The following CA2 variants were observed in gnomAD, a reference collection of about 807,000 sequenced individuals.
CA2 encodes the protein carbonic anhydrase 2.
Under a neutral mutation model 27.8 loss-of-function variants are expected in CA2, and 23 were observed. The observed-to-expected ratio is 0.83, with a 90% confidence interval of 0.59 to 1.17. CA2 has a LOEUF of 1.17. Ranked by LOEUF, CA2 falls within the 50% of genes most tolerant of loss-of-function variation. The pLI, the probability that CA2 is intolerant of heterozygous loss-of-function variation, is 0.00. For missense variants in CA2, 300 were observed against 314.7 expected (o/e 0.95, Z 0.35); for synonymous variants, 99 against 114.9 (o/e 0.86, Z 0.88).
At chr8:85,467,453 T>C (rs897649406) in intron 2 of CA2, among the ~76,000 whole-genome samples, 1 of 152,222 alleles carries the variant, frequency 6.6e-6, no homozygotes, top group African/African-American at 2.4e-5. Context: ...GCCTGGCGCA[T>C]AGAAGTTGCT....
intron 2 of CA2, among the ~76,000 whole-genome samples, 161 bp downstream of exon 2, chr8:85,465,630 G>A (rs1017618399): frequency 1.3e-5 from 2 of 152,194 alleles, no homozygotes; most frequent in Non-Finnish European, 2.9e-5. Flanking sequence ...CAGATTCTGA[G>A]AAGTAGGCTA....
intron 6 of CA2, 127 bp from the exon 7 acceptor site, chr8:85,480,543 A>C (rs1811873424): frequency 1.1e-6 from 1 of 902,032 alleles, no homozygotes; most frequent in Non-Finnish European, 1.7e-6. Context: ...TCAGCCTTAC[A>C]AAGTGCTGGG....
intron 2 of CA2, among the ~76,000 whole-genome samples, chr8:85,467,988 C>T (rs544242870): frequency 1.3e-5 from 2 of 152,186 alleles, no homozygotes; most frequent in Non-Finnish European, 2.9e-5. Flanking sequence ...AGGGTGGAGG[C>T]CTGGTCCCTC....
At chr8:85,480,427 T>TGTGTG (rs1563436587) in intron 6 of CA2, among the ~76,000 whole-genome samples, 84 of 142,016 alleles carry the variant, frequency 5.9e-4, no homozygotes, top group African/African-American at 2.1e-3. Flanking sequence ...TGTTTAATTT[T>TGTGTG]TGTGTGTGTG....
At chr8:85,470,960 C>A (rs1480910187) in intron 2 of CA2, among the ~76,000 whole-genome samples, 1 of 152,002 alleles carries the variant, frequency 6.6e-6, no homozygotes, top group Non-Finnish European at 1.5e-5. Flanking sequence ...AGGCAGTTAG[C>A]AATTTCTGCT....
chr8:85,475,317 G>T (rs970934400), intron 4 of CA2, among the ~76,000 whole-genome samples: 13 of 123,768 alleles, frequency 1.1e-4, no homozygotes, highest in African/African-American at 4.0e-4. Context: ...GTTGCAGTGA[G>T]CTATGATCAT....
chr8:85,469,310 G>C (rs561288046), intron 2 of CA2, among the ~76,000 whole-genome samples: 1 of 152,230 alleles, frequency 6.6e-6, no homozygotes, highest in African/African-American at 2.4e-5. Flanking sequence ...CTCATAGATT[G>C]AGGTTTTCCA....
intron 4 of CA2, 70 bp downstream of exon 4, chr8:85,474,486 C>T (rs993641032): frequency 6.3e-6 from 7 of 1,105,930 alleles, no homozygotes; most frequent in African/African-American, 3.1e-5. Context: ...GTATTTGTAA[C>T]ATACAGGACA....
intron 1 of CA2, 145 bp from the exon 2 acceptor site, chr8:85,465,127 G>A: frequency 1.6e-6 from 1 of 633,930 alleles, no homozygotes; most frequent in Non-Finnish European, 2.8e-6. Context: ...CACAGATTAC[G>A]TGTTTTCCCA....
At position 85,480,719 on chromosome 8, in the gene CA2, A is replaced by T. The variant is rs1395354092; in HGVS notation, c.713A>T (p.Glu238Val). 17 of 1,613,992 alleles carry T rather than the reference A, an allele frequency of 1.1e-5. No individual in the cohort carries two copies. In the South Asian group the frequency reaches 1.9e-4, roughly 18 times the overall value. The change falls in exon 7 of 7, where the codon GAA becomes GTA. Residue 238 changes from glutamate to valine, a missense_variant. Glu to Val is a moderately radical substitution (Grantham distance 121). Around this residue, in one of 3 missense-constraint regions of CA2, gnomAD observed 173 missense variants for 161.0 expected, o/e 1.07. Coordinates refer to ENST00000285379, the MANE Select transcript of CA2 (RefSeq NM_000067.3). ...LNFNGEGEPE[E>V]LMVDNWRPAQ... The stretch of plus-strand genomic sequence containing the variant: ...TTCAATGGGGAGGGTGAACCCGAAG[A>T]ACTGATGGTGGACAACTGGCGCCCA...
chr8:85,475,847 C>T lies in CA2; in HGVS notation c.494C>T (p.Ser165Phe), dbSNP rs761611749. Residue 165 changes from serine (S) to phenylalanine (F), a missense_variant, in exon 5 of 7, where the codon TCC becomes TTC. Ser to Phe is a radical substitution (Grantham distance 155). Coordinates refer to ENST00000285379, the MANE Select transcript of CA2 (RefSeq NM_000067.3). ...GLQKVVDVLD[S>F]IKTKGKSADF... Reference sequence around the variant, plus strand: ...CAGAAAGTTGTTGATGTGCTGGATTCCATTAAAACAAAGGTAAATTTGAAT... The same window carrying T: ...CAGAAAGTTGTTGATGTGCTGGATTTCATTAAAACAAAGGTAAATTTGAAT... 2.5e-6 allele frequency: 4 copies of T among 1,613,778 alleles called. No individual in the cohort carries two copies. In the East Asian group the frequency reaches 6.7e-5, roughly 27 times the overall value.
intron 2 of CA2, among the ~76,000 whole-genome samples, chr8:85,469,361 T>C (rs1246511166): frequency 1.3e-5 from 2 of 152,196 alleles, no homozygotes; most frequent in Non-Finnish European, 2.9e-5. Context: ...CTTAAGAACT[T>C]GGGTATCAGG....
At chr8:85,465,824 T>C (rs1811621233) in intron 2 of CA2, among the ~76,000 whole-genome samples, 3 of 152,244 alleles carry the variant, frequency 2.0e-5, no homozygotes, top group Non-Finnish European at 4.4e-5. Flanking sequence ...TATTTTGTCT[T>C]GCAGAGCTGA....
chr8:85,479,137 G>A (rs1478838819), intron 6 of CA2, among the ~76,000 whole-genome samples: 1 of 152,164 alleles, frequency 6.6e-6, no homozygotes, highest in African/African-American at 2.4e-5. Context: ...TAGGTAAGCA[G>A]TATAAATGGG....
chr8:85,473,877 T>G (rs1811746284), intron 3 of CA2, 66 bp downstream of exon 3: 1 of 934,266 alleles, frequency 1.1e-6, no homozygotes. Context: ...AGCATTAATT[T>G]CAAAAGCTTA....
intron 6 of CA2, among the ~76,000 whole-genome samples, chr8:85,480,253 T>C (rs1238365246): frequency 6.6e-6 from 1 of 152,146 alleles, no homozygotes; most frequent in African/African-American, 2.4e-5. Context: ...ATGTAATTTT[T>C]GTTTGTTTTT....
At chr8:85,471,708 G>T (rs1237595106) in intron 2 of CA2, among the ~76,000 whole-genome samples, 1 of 151,812 alleles carries the variant, frequency 6.6e-6, no homozygotes, top group African/African-American at 2.4e-5. Flanking sequence ...CCAGTTGGTT[G>T]CTAGCTTTAA....
chr8:85,479,551 G>C (rs1008555669), intron 6 of CA2, among the ~76,000 whole-genome samples: 1 of 152,062 alleles, frequency 6.6e-6, no homozygotes, highest in Non-Finnish European at 1.5e-5. Context: ...TTTGGATCAC[G>C]TCTTGGTTAG....
At position 85,464,069 on chromosome 8, in the gene CA2, C is replaced by A. The variant is rs1331055595; in HGVS notation, c.-13C>A. ...GTGCCGATTCCTGCCCTGCCCCGAC[C>A]GCCAGCGCGACCATGTCCCATCACT... On this transcript the variant is annotated 5_prime_UTR_variant, in exon 1 of 7. Transcript: ENST00000285379. The A allele has an allele frequency of 1.3e-5, 20 of 1,547,464 alleles. No homozygotes were observed. Among genetic ancestry groups the A allele is most frequent in the Non-Finnish European group, 1.7e-5 (19 of 1,149,266 alleles).
Sources: allele counts gnomAD v4.1 joint callset (sites outside exome capture counted in the v4.1 genomes callset), GRCh38; gene constraint gnomAD v4.1.1; regional missense constraint gnomAD v4.1.1; transcripts MANE v1.5; gene names NCBI Gene and HGNC (gene_info 2026-07-23, HGNC 2026-07-21).